Variants in DSCAM observed in about 807,000 individuals in gnomAD.
DSCAM encodes the protein cell adhesion molecule DSCAM.
A neutral mutation model predicts 217.7 loss-of-function variants in DSCAM; 47 were observed. The ratio of observed to expected loss-of-function variants is 0.22; its 90% CI spans 0.17 to 0.28. The LOEUF (loss-of-function observed/expected upper bound fraction) is 0.28, where lower values mean the gene tolerates loss of function less well. Among genes scored for constraint, DSCAM ranks in the 10% least tolerant of loss-of-function variants. The pLI is 1.00. For missense variants in DSCAM, 2,080 were observed against 2,618.3 expected (o/e 0.79, Z 4.49); for synonymous variants, 1,056 against 1,015.3 (o/e 1.04, Z -0.76).
At chr21:40,613,463 T>G (rs1270689388) in intron 3 of DSCAM, among the ~76,000 whole-genome samples, 1 of 152,180 alleles carries the variant, frequency 6.6e-6, no homozygotes, top group African/African-American at 2.4e-5. Flanking sequence ...AAAAAAAGAT[T>G]TTTTAAAAAT....
At chr21:40,772,776 T>C (rs1205896005) in intron 1 of DSCAM, among the ~76,000 whole-genome samples, 2 of 152,204 alleles carry the variant, frequency 1.3e-5, no homozygotes, top group African/African-American at 4.8e-5. Flanking sequence ...CTCACGCAAA[T>C]CACGTCCTCT....
chr21:40,706,102 C>T (rs1490520215), intron 2 of DSCAM, among the ~76,000 whole-genome samples: 2 of 150,886 alleles, frequency 1.3e-5, no homozygotes, highest in East Asian at 3.9e-4. Flanking sequence ...ACGGCGTGAA[C>T]CCGGGAGGTG....
chr21:40,335,746 T>C lies in DSCAM; in HGVS notation c.1783+2355A>G, dbSNP rs573210938. ...CACTGTATTAGATGTTTTCAAAATGTAGCTCACAGACCTGTAGGGATCCCT... is the reference window on the plus strand; with the variant it reads ...CACTGTATTAGATGTTTTCAAAATGCAGCTCACAGACCTGTAGGGATCCCT... On this transcript the variant is annotated intron_variant, in intron 8 of 32. Transcript: ENST00000400454. Among the ~76,000 whole-genome samples, 3 of 152,344 alleles carry C rather than the reference T, an allele frequency of 2.0e-5. No homozygotes were observed. The South Asian group carries it at 6.2e-4, about 32-fold the overall frequency.
intron 3 of DSCAM, 110 bp from the exon 4 acceptor site, chr21:40,369,355 G>A (rs2074869835): frequency 9.0e-7 from 1 of 1,110,972 alleles, no homozygotes; most frequent in Non-Finnish European, 1.2e-6. Flanking sequence ...GAAACTTAAT[G>A]AAAAGGCTAA....
chr21:40,653,590 G>A (rs1211628553), intron 3 of DSCAM, among the ~76,000 whole-genome samples: 1 of 152,130 alleles, frequency 6.6e-6, no homozygotes, highest in African/African-American at 2.4e-5. Context: ...TCTCTACTTG[G>A]TCTGCTGAGA....
chr21:40,114,759 G>A (rs1363581337), intron 20 of DSCAM, among the ~76,000 whole-genome samples: 7 of 152,210 alleles, frequency 4.6e-5, no homozygotes, highest in African/African-American at 7.2e-5. Context: ...TGAAGGATAC[G>A]AACAGACACT....
intron 9 of DSCAM, among the ~76,000 whole-genome samples, chr21:40,296,950 T>C (rs181764561): frequency 6.6e-6 from 1 of 152,268 alleles, no homozygotes; most frequent in African/African-American, 2.4e-5. Flanking sequence ...ATGTTGATTT[T>C]TCCTCTACCA....
intron 3 of DSCAM, among the ~76,000 whole-genome samples, chr21:40,556,046 G>A (rs1303063635): frequency 6.6e-6 from 1 of 152,086 alleles, no homozygotes; most frequent in African/African-American, 2.4e-5. Context: ...AAAATAGAGT[G>A]TATAGAAGAA....
chr21:40,464,861 C>T (rs2075831869), intron 3 of DSCAM, among the ~76,000 whole-genome samples: 1 of 152,022 alleles, frequency 6.6e-6, no homozygotes, highest in African/African-American at 2.4e-5. Context: ...TGTCCTCAGC[C>T]TCCCGAGTAG....
intron 10 of DSCAM, among the ~76,000 whole-genome samples, chr21:40,287,911 A>T (rs1293700148): frequency 1.3e-5 from 2 of 152,162 alleles, no homozygotes; most frequent in Non-Finnish European, 2.9e-5. Context: ...CCAGGGAAAT[A>T]TGGAATTGGG....
chr21:40,148,107 C>G (rs2090380157), intron 16 of DSCAM, among the ~76,000 whole-genome samples: 1 of 152,032 alleles, frequency 6.6e-6, no homozygotes, highest in African/African-American at 2.4e-5. Context: ...AGAGAGCTCT[C>G]CTCTATTTTT....
At chr21:40,612,043 GA>G (rs1198102385) in intron 3 of DSCAM, among the ~76,000 whole-genome samples, 1 of 152,216 alleles carries the variant, frequency 6.6e-6, no homozygotes, top group Non-Finnish European at 1.5e-5. Flanking sequence ...AGCACATTGT[GA>G]GATGAGTCTG....
rs148231547 is a variant in DSCAM, at chr21:40,545,020, G to T, written c.508+147790C>A. Among the ~76,000 whole-genome samples, 1,411 of 152,264 alleles carry T rather than the reference G, an allele frequency of 9.3e-3. 30 individuals are homozygous for T. Among genetic ancestry groups the T allele is most frequent in the African/African-American group, 0.031 (1,299 of 41,564 alleles). Reference sequence around the variant, plus strand: ...GTCGAAATTATAAACCCCAGTAGGTGAGGGTATTAGGAGGTAGGACTTTTG... The same window carrying T: ...GTCGAAATTATAAACCCCAGTAGGTTAGGGTATTAGGAGGTAGGACTTTTG... On this transcript the variant is annotated intron_variant, in intron 3 of 32. Coordinates refer to ENST00000400454, the MANE Select transcript of DSCAM (RefSeq NM_001389.5).
chr21:40,550,563 G>C (rs1383510526), intron 3 of DSCAM, among the ~76,000 whole-genome samples: 1 of 152,152 alleles, frequency 6.6e-6, no homozygotes, highest in Non-Finnish European at 1.5e-5. Context: ...GCCACCAAGT[G>C]TCTCAATCCT....
intron 1 of DSCAM, among the ~76,000 whole-genome samples, chr21:40,827,468 CAAAAAAAAA>C (rs55906607): frequency 1.7e-5 from 1 of 57,152 alleles, no homozygotes; most frequent in African/African-American, 6.0e-5. Flanking sequence ...GTCCATGTCT[CAAAAAAAAA>C]AAAAAAAAAG....
intron 32 of DSCAM, among the ~76,000 whole-genome samples, chr21:40,035,977 G>A (rs1415225084): frequency 6.8e-6 from 1 of 146,650 alleles, no homozygotes; most frequent in Non-Finnish European, 1.5e-5. Context: ...CGAGAACAAA[G>A]ACACAACATA....
rs533132123 is a variant in DSCAM, at chr21:40,215,016, G to A, written c.2357-25778C>T. ...GGGTGGATCACGAGGTCAGGAGATC[G>A]AGACCATCCTGGCTAACAAGGTGAA... On this transcript the variant is annotated intron_variant, in intron 11 of 32. Transcript: ENST00000400454. Among the ~76,000 whole-genome samples, 232 of 32,946 alleles carry A rather than the reference G, an allele frequency of 7.0e-3. 79 individuals carry two copies. The highest frequency in any genetic ancestry group is 0.014 in the Non-Finnish European group (188 of 13,372). The allele number at this position is 32,946 out of a possible 152,430, so 21.6% of individuals were successfully genotyped here.
chr21:40,831,623 T>C (rs1601323719), intron 1 of DSCAM, among the ~76,000 whole-genome samples: 2 of 152,078 alleles, frequency 1.3e-5, no homozygotes, highest in East Asian at 3.9e-4. Context: ...TGAAATAGAG[T>C]GTACTTAAAA....
chr21:40,796,510 TGCACTTTTATCC>T (rs2091693356), intron 1 of DSCAM, among the ~76,000 whole-genome samples: 1 of 152,218 alleles, frequency 6.6e-6, no homozygotes, highest in African/African-American at 2.4e-5. Context: ...ACCCAGAGCC[TGCACTTTTATCC>T]ATGTTACTAT....
Sources: allele counts gnomAD v4.1 joint callset (sites outside exome capture counted in the v4.1 genomes callset), GRCh38; gene constraint gnomAD v4.1.1; transcripts MANE v1.5; gene names NCBI Gene and HGNC (gene_info 2026-07-23, HGNC 2026-07-21).